The following PRKCQ variants were observed in gnomAD, a reference collection of about 807,000 sequenced individuals.
The protein encoded by PRKCQ is protein kinase C theta type.
A neutral mutation model predicts 91.2 loss-of-function variants in PRKCQ; 41 were observed. That is an observed-to-expected ratio of 0.45 (90% CI 0.35 to 0.58). The LOEUF is 0.58. Among genes scored for constraint, PRKCQ ranks in the 20% least tolerant of loss-of-function variants. The pLI is 0.00. For synonymous variants in PRKCQ, 307 were observed against 316.9 expected (o/e 0.97, Z 0.33); for missense variants, 673 against 896.5 (o/e 0.75, Z 3.18).
intron 1 of PRKCQ, among the ~76,000 whole-genome samples, chr10:6,521,888 CTATGTTATGTTATGTGATGTTATGT>C (rs1318780360): frequency 1.4e-5 from 2 of 142,904 alleles, no homozygotes; most frequent in Non-Finnish European, 1.5e-5. Flanking sequence ...ATGATATGTA[CTATGTTATGTTATGTGATGTTATGT>C]TATGTTATGT....
intron 1 of PRKCQ, among the ~76,000 whole-genome samples, chr10:6,577,234 T>G (rs910304127): frequency 1.3e-5 from 2 of 152,206 alleles, no homozygotes; most frequent in African/African-American, 4.8e-5. Flanking sequence ...CCCAAGAATG[T>G]GTTTAGATGA....
chr10:6,507,239 T>C (rs1329225092), intron 4 of PRKCQ, among the ~76,000 whole-genome samples, 197 bp downstream of exon 4: 1 of 152,240 alleles, frequency 6.6e-6, no homozygotes, highest in Non-Finnish European at 1.5e-5. Flanking sequence ...ATAAATGTTT[T>C]ATATTTCTAC....
the PRKCQ span, among the ~76,000 whole-genome samples, chr10:6,419,018 TCTATCATCTATCTAC>T: frequency 6.9e-6 from 1 of 145,450 alleles, no homozygotes; most frequent in South Asian, 2.1e-4. Flanking sequence ...TATCTATGTA[TCTATCATCTATCTAC>T]CTATCATCCA....
chr10:6,514,260 T>C (rs1392998896), intron 2 of PRKCQ, among the ~76,000 whole-genome samples: 1 of 152,158 alleles, frequency 6.6e-6, no homozygotes, highest in African/African-American at 2.4e-5. Flanking sequence ...AGGAGAGTTG[T>C]GGGATCTAAA....
chr10:6,580,040 C>T (rs1220372025), intron 1 of PRKCQ, among the ~76,000 whole-genome samples, 171 bp downstream of exon 1: 1 of 152,128 alleles, frequency 6.6e-6, no homozygotes, highest in African/African-American at 2.4e-5. Flanking sequence ...GAAATTCTTC[C>T]CGGTGCGCTC....
chr10:6,567,837 T>G (rs542833075), intron 1 of PRKCQ, among the ~76,000 whole-genome samples: 1 of 152,360 alleles, frequency 6.6e-6, no homozygotes, highest in East Asian at 1.9e-4. Flanking sequence ...TTCTTTTTTT[T>G]GTGAATGCTT....
At chr10:6,491,929 C>T (rs1837327957) in intron 7 of PRKCQ, 117 bp from the exon 8 acceptor site, 10 of 1,408,840 alleles carry the variant, frequency 7.1e-6, no homozygotes, top group African/African-American at 1.4e-5. Flanking sequence ...GCATTGTGTG[C>T]ATTTTAAACC....
At chr10:6,486,827 G>A (rs1048877955) in intron 8 of PRKCQ, among the ~76,000 whole-genome samples, 2 of 152,182 alleles carry the variant, frequency 1.3e-5, no homozygotes, top group African/African-American at 4.8e-5. Context: ...CCAGCCTTTA[G>A]GTTGAAGCCC....
chr10:6,547,568 A>G (rs1232808966), intron 1 of PRKCQ, among the ~76,000 whole-genome samples: 1 of 150,536 alleles, frequency 6.6e-6, no homozygotes, highest in Non-Finnish European at 1.5e-5. Context: ...AGCCCTCAGA[A>G]ATAAGGCCAC....
At chr10:6,513,447 C>CAAAAAAAAA (rs58606251) in intron 2 of PRKCQ, among the ~76,000 whole-genome samples, 1 of 105,600 alleles carries the variant, frequency 9.5e-6, no homozygotes, top group African/African-American at 4.1e-5. Context: ...AGGCCAAATG[C>CAAAAAAAAA]AAAAAAAAAA....
chr10:6,506,706 A>G (rs1347836729), intron 4 of PRKCQ, among the ~76,000 whole-genome samples: 1 of 152,226 alleles, frequency 6.6e-6, no homozygotes, highest in Admixed American at 6.5e-5. Flanking sequence ...AGAAAGCACC[A>G]TAAATGTATA....
intron 16 of PRKCQ, among the ~76,000 whole-genome samples, chr10:6,436,818 C>T (rs1389423105): frequency 6.6e-6 from 1 of 152,208 alleles, no homozygotes; most frequent in East Asian, 1.9e-4. Context: ...ACCCTTTCTT[C>T]CCATCCAATC....
intron 7 of PRKCQ, among the ~76,000 whole-genome samples, chr10:6,496,099 C>G (rs1347135103): frequency 5.3e-5 from 8 of 151,640 alleles, no homozygotes; most frequent in Non-Finnish European, 1.0e-4. Context: ...GCCCGTAATC[C>G]CAGCTACTCA....
the PRKCQ span, among the ~76,000 whole-genome samples, chr10:6,399,438 G>A: frequency 1.3e-5 from 2 of 152,186 alleles, no homozygotes; most frequent in Admixed American, 6.5e-5. Flanking sequence ...ACATCCACCC[G>A]GCTGAGCCCA....
chr10:6,410,069 G>T, the PRKCQ span, among the ~76,000 whole-genome samples: 5 of 151,978 alleles, frequency 3.3e-5, no homozygotes, highest in South Asian at 6.3e-4. Flanking sequence ...TTACCCTCTG[G>T]GCTACTCACT....
intron 15 of PRKCQ, among the ~76,000 whole-genome samples, chr10:6,448,415 AT>A (rs33922767): frequency 1.3e-4 from 19 of 148,450 alleles, no homozygotes; most frequent in South Asian, 4.3e-4. Context: ...GTAGCACTTA[AT>A]TTTTTTTTTT....
intron 1 of PRKCQ, among the ~76,000 whole-genome samples, chr10:6,579,834 C>G (rs1226845135): frequency 1.5e-5 from 1 of 67,792 alleles, no homozygotes; most frequent in Non-Finnish European, 2.9e-5. Context: ...TGTTTCCTCA[C>G]GCATTTTTTT....
At chr10:6,508,450 G>A (rs1343532055) in intron 3 of PRKCQ, among the ~76,000 whole-genome samples, 2 of 152,236 alleles carry the variant, frequency 1.3e-5, no homozygotes, top group Admixed American at 6.5e-5. Context: ...CCTTGTGCAA[G>A]TCACTAAGTC....
chr10:6,404,110 T>A, the PRKCQ span, among the ~76,000 whole-genome samples: 1 of 152,042 alleles, frequency 6.6e-6, no homozygotes, highest in Non-Finnish European at 1.5e-5. Context: ...TGGTCACAGT[T>A]TTAGTAGCAA....
Sources: gnomAD v4.1 joint callset for allele counts (sites outside exome capture counted in the v4.1 genomes callset) on GRCh38, gnomAD v4.1.1 for gene constraint, MANE v1.5 for transcripts, NCBI Gene and HGNC (gene_info 2026-07-23, HGNC 2026-07-21) for gene names.